SLC25A48: variants seen among roughly 807,000 people sequenced by gnomAD.
SLC25A48 encodes CTC-321K16.1.
SLC25A48 carries 29 observed loss-of-function variants against 32.2 expected under a neutral mutation model. That is an observed-to-expected ratio of 0.90 (90% confidence interval 0.67 to 1.23). The LOEUF (loss-of-function observed/expected upper bound fraction) is 1.23, where lower values mean the gene tolerates loss of function less well. SLC25A48 is among the 50% of genes most tolerant of loss of function. The pLI is 0.00. For missense variants in SLC25A48, 399 were observed against 422.7 expected (o/e 0.94, Z 0.49); for synonymous variants, 164 against 172.3 (o/e 0.95, Z 0.38).
intron 3 of SLC25A48, among the ~76,000 whole-genome samples, chr5:135,771,586 G>T (rs1351793631): frequency 6.6e-6 from 1 of 151,372 alleles, no homozygotes; most frequent in Non-Finnish European, 1.5e-5. Context: ...CTAATATCTA[G>T]GGGGGAAGAG....
At chr5:135,871,373 C>A in intron 4 of SLC25A48, 88 bp from the exon 5 acceptor site, 1 of 1,466,778 alleles carries the variant, frequency 6.8e-7, no homozygotes, top group Non-Finnish European at 9.2e-7. Context: ...AGGGAACTGT[C>A]AAAGGGCTGG....
chr5:135,699,132 G>T (rs1284257960), intron 3 of SLC25A48, among the ~76,000 whole-genome samples: 1 of 152,184 alleles, frequency 6.6e-6, no homozygotes, highest in East Asian at 1.9e-4. Flanking sequence ...CGGTTTGGCA[G>T]CATATCTATA....
At chr5:135,781,675 T>C (rs1756719624) in intron 3 of SLC25A48, among the ~76,000 whole-genome samples, 1 of 117,250 alleles carries the variant, frequency 8.5e-6, no homozygotes, top group South Asian at 3.0e-4. Flanking sequence ...CCCTGTGATA[T>C]TGTTCCTAAT....
intron 4 of SLC25A48, among the ~76,000 whole-genome samples, chr5:135,859,829 C>A (rs145475239): frequency 2.0e-5 from 3 of 152,136 alleles, no homozygotes; most frequent in Non-Finnish European, 4.4e-5. Context: ...TGAAAAGATA[C>A]CTCAAAGGGC....
At chr5:135,758,678 T>C (rs1179561627) in intron 3 of SLC25A48, among the ~76,000 whole-genome samples, 1 of 150,722 alleles carries the variant, frequency 6.6e-6, no homozygotes, top group Non-Finnish European at 1.5e-5. Context: ...ATTAATAGAA[T>C]ATCATCTATG....
At chr5:135,741,052 T>C (rs1035867375) in intron 3 of SLC25A48, among the ~76,000 whole-genome samples, 1 of 152,242 alleles carries the variant, frequency 6.6e-6, no homozygotes, top group Non-Finnish European at 1.5e-5. Context: ...ACATTTACTA[T>C]TTGTCAGGCC....
chr5:135,713,191 G>A (rs995320773), intron 3 of SLC25A48, among the ~76,000 whole-genome samples: 2 of 152,212 alleles, frequency 1.3e-5, no homozygotes, highest in African/African-American at 4.8e-5. Context: ...ATTGCAACCT[G>A]CATTTTAACA....
chr5:135,714,012 T>A (rs1754736152), intron 3 of SLC25A48, among the ~76,000 whole-genome samples: 1 of 152,154 alleles, frequency 6.6e-6, no homozygotes, highest in African/African-American at 2.4e-5. Context: ...GCGGGCGAGA[T>A]GCAAGGCAGG....
Position 135,661,656 on chromosome 5 carries a change from G to A in SLC25A48, c.-521+26700G>A, listed in dbSNP as rs867305578. Among the ~76,000 whole-genome samples the A allele has an allele frequency of 7.9e-5, 12 of 152,290 alleles. No individual in the cohort carries two copies. In the South Asian group the frequency reaches 1.0e-3, roughly 13 times the overall value. ...GAGTAACCACTATCAACTGACTGGT[G>A]TGTGTCTTTCTGCTACTCTCTCTAG... On this transcript the variant is annotated intron_variant, in intron 3 of 10. Transcript: ENST00000646290.
At chr5:135,728,686 C>T (rs977243166) in intron 3 of SLC25A48, among the ~76,000 whole-genome samples, 1 of 152,088 alleles carries the variant, frequency 6.6e-6, no homozygotes, top group Non-Finnish European at 1.5e-5. Context: ...TTGCTGGTGC[C>T]TTCTTGATTC....
intron 3 of SLC25A48, among the ~76,000 whole-genome samples, chr5:135,792,678 G>A (rs1243127282): frequency 6.6e-6 from 1 of 151,684 alleles, no homozygotes; most frequent in African/African-American, 2.4e-5. Context: ...ATCACAGTAA[G>A]TGTTCACCAT....
chr5:135,806,588 T>C (rs528844809), intron 3 of SLC25A48, among the ~76,000 whole-genome samples: 1 of 149,782 alleles, frequency 6.7e-6, no homozygotes, highest in African/African-American at 2.5e-5. Context: ...ATATCATTGA[T>C]TTTTTAATAT....
At chr5:135,733,357 A>G (rs1296264735) in intron 3 of SLC25A48, among the ~76,000 whole-genome samples, 2 of 152,174 alleles carry the variant, frequency 1.3e-5, no homozygotes, top group Admixed American at 1.3e-4. Flanking sequence ...CCAGAGAGAT[A>G]TAGTCATGGG....
intron 3 of SLC25A48, among the ~76,000 whole-genome samples, chr5:135,669,942 C>T (rs2188921): frequency 0.68 from 103,616 of 152,064 alleles, 35,814 homozygotes; most frequent in Middle Eastern, 0.79. Flanking sequence ...TCTCTGTTCT[C>T]CATGATGGTG....
intron 3 of SLC25A48, among the ~76,000 whole-genome samples, chr5:135,738,986 GA>G (rs1182986077): frequency 2.0e-5 from 3 of 152,190 alleles, no homozygotes; most frequent in African/African-American, 7.2e-5. Flanking sequence ...GGAGGTTGAG[GA>G]AGGAGAATCA....
intron 4 of SLC25A48, among the ~76,000 whole-genome samples, chr5:135,822,693 A>C (rs1375970594): frequency 6.6e-6 from 1 of 152,198 alleles, no homozygotes; most frequent in Non-Finnish European, 1.5e-5. Context: ...TCATATCCAC[A>C]AGTGCCAGGG....
chr5:135,646,610 T>TAA (rs2126921029), intron 3 of SLC25A48, among the ~76,000 whole-genome samples: 1 of 149,222 alleles, frequency 6.7e-6, no homozygotes, highest in East Asian at 2.0e-4. Flanking sequence ...ATTATATATA[T>TAA]AATTTCCCAT....
intron 2 of SLC25A48, among the ~76,000 whole-genome samples, chr5:135,842,740 A>T (rs1006527515): frequency 6.6e-6 from 1 of 152,210 alleles, no homozygotes; most frequent in African/African-American, 2.4e-5. Context: ...CCTTCCTGGC[A>T]TTGGGATTAT....
chr5:135,703,370 G>T (rs1754436165), intron 3 of SLC25A48, among the ~76,000 whole-genome samples: 1 of 152,188 alleles, frequency 6.6e-6, no homozygotes, highest in African/African-American at 2.4e-5. Flanking sequence ...CCTCCCTTTT[G>T]TTTGCAGACA....
Sources: allele counts gnomAD v4.1 joint callset (sites outside exome capture counted in the v4.1 genomes callset), GRCh38; gene constraint gnomAD v4.1.1; transcripts MANE v1.5; gene names NCBI Gene and HGNC (gene_info 2026-07-23, HGNC 2026-07-21).